Variants in FBN2 observed in about 807,000 individuals in gnomAD.
FBN2 encodes fibrillin 2.
Under a neutral mutation model 355.6 loss-of-function variants are expected in FBN2, and 105 were observed. The ratio of observed to expected loss-of-function variants is 0.30; its 90% CI spans 0.25 to 0.35. The LOEUF (loss-of-function observed/expected upper bound fraction) is 0.35. Among genes scored for constraint, FBN2 ranks in the 10% least tolerant of loss-of-function variants. FBN2 has a pLI of 1.00. For synonymous variants in FBN2, 1,350 were observed against 1,301.2 expected, an observed-to-expected ratio of 1.04 and a Z score of -0.81; for missense variants, 3,280 against 3,758.7, an observed-to-expected ratio of 0.87 and a Z score of 3.33.
At chr5:128,522,705 CAAAT>C (rs750092489) in intron 4 of FBN2, among the ~76,000 whole-genome samples, 1 of 151,978 alleles carries the variant, frequency 6.6e-6, no homozygotes, top group South Asian at 2.1e-4. Flanking sequence ...TTCCTTTTCT[CAAAT>C]GAATTATGAT....
intron 5 of FBN2, among the ~76,000 whole-genome samples, chr5:128,482,907 A>G (rs538747081): frequency 6.6e-6 from 1 of 152,300 alleles, no homozygotes; most frequent in African/African-American, 2.4e-5. Flanking sequence ...CAAGGTCATG[A>G]CAGTGCTACT....
intron 59 of FBN2, 146 bp downstream of exon 59, chr5:128,275,892 G>C: frequency 1.1e-6 from 1 of 894,622 alleles, no homozygotes; most frequent in South Asian, 1.4e-5. Flanking sequence ...TATTGGTAGA[G>C]TTTTTCTATG....
At chr5:128,352,666 T>A (rs767813018) in intron 20 of FBN2, among the ~76,000 whole-genome samples, 2 of 152,154 alleles carry the variant, frequency 1.3e-5, no homozygotes, top group Non-Finnish European at 2.9e-5. Context: ...ACCAAGACAC[T>A]TGTTAAAATG....
chr5:128,407,441 G>A lies in FBN2; in HGVS notation c.1078+1233C>T, dbSNP rs181311560. Among the ~76,000 whole-genome samples, 6 of 152,282 alleles carry A rather than the reference G, an allele frequency of 3.9e-5. No homozygotes were observed. In the East Asian group the frequency reaches 1.2e-3, roughly 29 times the overall value. On this transcript the variant is annotated intron_variant, in intron 8 of 64. Transcript: ENST00000262464. ...GACACTTATTAGAAGAAACTGAAGT[G>A]TAGAGAAGATGGTAGCTTGCCTGAC...
chr5:128,318,780 C>G (rs190927866), intron 35 of FBN2, 99 bp downstream of exon 35: 9 of 1,252,150 alleles, frequency 7.2e-6, no homozygotes, highest in Non-Finnish European at 1.0e-5. Context: ...TAACCTAATG[C>G]ATAGATTAGC....
intron 6 of FBN2, among the ~76,000 whole-genome samples, chr5:128,464,286 TTAA>T (rs1345793298): frequency 6.6e-6 from 1 of 152,178 alleles, no homozygotes; most frequent in Non-Finnish European, 1.5e-5. Context: ...GAAGACACTA[TTAA>T]TAATGATAGA....
intron 45 of FBN2, 112 bp downstream of exon 45, chr5:128,304,845 C>A: frequency 7.1e-7 from 1 of 1,414,264 alleles, no homozygotes; most frequent in African/African-American, 1.4e-5. Context: ...TAATTTTTTG[C>A]AAGATTGTTT....
chr5:128,319,601 C>A (rs1410474494), intron 34 of FBN2, among the ~76,000 whole-genome samples: 1 of 151,760 alleles, frequency 6.6e-6, no homozygotes, highest in African/African-American at 2.4e-5. Context: ...TATTATAAAG[C>A]AGTTTTAAAC....
At chr5:128,500,995 G>C (rs1482400124) in intron 5 of FBN2, among the ~76,000 whole-genome samples, 2 of 152,146 alleles carry the variant, frequency 1.3e-5, no homozygotes, top group Non-Finnish European at 2.9e-5. Flanking sequence ...TAAGCACAAA[G>C]AACATAAGAA....
intron 5 of FBN2, among the ~76,000 whole-genome samples, chr5:128,470,643 A>T: frequency 6.6e-6 from 1 of 152,152 alleles, no homozygotes; most frequent in East Asian, 1.9e-4. Context: ...GCTGGACAAG[A>T]CGGGAAGTAA....
chr5:128,386,471 G>C (rs1228966954), intron 11 of FBN2, among the ~76,000 whole-genome samples: 3 of 152,114 alleles, frequency 2.0e-5, no homozygotes, highest in East Asian at 3.9e-4. Flanking sequence ...CTCTAGCTTC[G>C]TTCTTTTTGC....
At chr5:128,459,825 G>C (rs550293582) in intron 6 of FBN2, among the ~76,000 whole-genome samples, 1 of 152,118 alleles carries the variant, frequency 6.6e-6, no homozygotes, top group African/African-American at 2.4e-5. Flanking sequence ...AAAATAATAA[G>C]AGCTATTTAT....
intron 5 of FBN2, among the ~76,000 whole-genome samples, chr5:128,490,668 T>A (rs187905482): frequency 1.2e-4 from 18 of 152,344 alleles, no homozygotes; most frequent in Non-Finnish European, 1.8e-4. Flanking sequence ...TACGATTTTT[T>A]AAAATTTAAT....
In FBN2 at chr5:128,345,570, G is replaced by T; in HGVS notation, c.3004C>A (p.Gln1002Lys). Residue 1002 changes from glutamine to lysine, a missense_variant, in exon 24 of 65, where the codon CAG becomes AAG. Coordinates refer to ENST00000262464, the MANE Select transcript of FBN2 (RefSeq NM_001999.4). ...TCTTCATCCCACTTCAAGTAACACT[G>T]CTCCATGCGAATATCTACACCGAGA... ...GRVCLDIRME[Q>K]CYLKWDEDEC... 2 of 1,613,580 alleles carry T rather than the reference G, an allele frequency of 1.2e-6. No individual in the cohort carries two copies. Among genetic ancestry groups the T allele is most frequent in the South Asian group, 1.1e-5 (1 of 91,066 alleles).
At chr5:128,335,696 T>C (rs886947571) in intron 28 of FBN2, 119 bp from the exon 29 acceptor site, 3 of 1,208,102 alleles carry the variant, frequency 2.5e-6, no homozygotes, top group South Asian at 2.4e-5. Context: ...TGTGTGTTGA[T>C]TGAACATTAT....
chr5:128,334,574 C>G, intron 31 of FBN2, 145 bp downstream of exon 31: 1 of 896,226 alleles, frequency 1.1e-6, no homozygotes, highest in Non-Finnish European at 1.8e-6. Context: ...ATCACACATC[C>G]TATAGGTCAC....
rs555682061 is a variant in FBN2 at position 128,357,312 on chromosome 5, C to T, written c.2638G>A (p.Gly880Ser). ...LGSFNCECSP[G>S]SKLSSTGLIC... The stretch of plus-strand genomic sequence containing the variant: ...AATCCTGTGGAGCTGAGTTTGCTGC[C>T]GGGCGAACATTCACAATTGAAAGAT... Residue 880 changes from glycine to serine, a missense_variant, in exon 20 of 65, where the codon GGC becomes AGC. By Grantham distance (56) the Gly-to-Ser change is moderately conservative. This residue lies in a region of FBN2 where 2,284 missense variants were observed against 2,749.5 expected (regional missense o/e 0.83). Transcript: ENST00000262464. 2.5e-5 allele frequency: 40 copies of T among 1,613,854 alleles called. No individual in the cohort carries two copies. Among genetic ancestry groups the T allele is most frequent in the East Asian group, 1.1e-4 (5 of 44,858 alleles).
intron 26 of FBN2, 100 bp from the exon 27 acceptor site, chr5:128,338,222 G>C: frequency 1.7e-6 from 2 of 1,195,646 alleles, no homozygotes; most frequent in South Asian, 2.6e-5. Context: ...GAGAGTGTGA[G>C]TTAGTGGAAG....
intron 39 of FBN2, 89 bp downstream of exon 39, chr5:128,311,211 A>T: frequency 7.2e-7 from 1 of 1,398,528 alleles, no homozygotes; most frequent in Non-Finnish European, 1.0e-6. Context: ...AGCCTTTTGT[A>T]GAATGTGAGG....
Sources: allele counts gnomAD v4.1 joint callset (sites outside exome capture counted in the v4.1 genomes callset), GRCh38; gene constraint gnomAD v4.1.1; regional missense constraint gnomAD v4.1.1; transcripts MANE v1.5; gene names NCBI Gene and HGNC (gene_info 2026-07-23, HGNC 2026-07-21).